Variants in PPFIA2 observed in about 807,000 individuals in gnomAD.
The protein encoded by PPFIA2 is liprin-alpha-2.
In PPFIA2, 46 loss-of-function variants were observed where a neutral mutation model predicts 175.5. The ratio of observed to expected loss-of-function variants is 0.26; its 90% CI spans 0.21 to 0.34. The LOEUF is 0.34. Among genes scored for constraint, PPFIA2 ranks in the 10% least tolerant of loss-of-function variants. PPFIA2 has a pLI of 1.00. For missense variants in PPFIA2, 1,179 were observed against 1,506.1 expected (o/e 0.78, Z 3.60); for synonymous variants, 568 against 511.4 (o/e 1.11, Z -1.49).
intron 4 of PPFIA2, among the ~76,000 whole-genome samples, chr12:81,633,518 A>ATCATGGC (rs1313665453): frequency 6.6e-6 from 1 of 151,814 alleles, no homozygotes; most frequent in Admixed American, 6.6e-5. Flanking sequence ...CTGCACTATA[A>ATCATGGC]TCATGGCTAG....
At chr12:81,620,478 C>A (rs1369757354) in intron 4 of PPFIA2, among the ~76,000 whole-genome samples, 1 of 151,892 alleles carries the variant, frequency 6.6e-6, no homozygotes, top group Non-Finnish European at 1.5e-5. Flanking sequence ...AAACCCAGAA[C>A]CATAAAGATA....
At chr12:81,486,974 A>T (rs934842218) in intron 4 of PPFIA2, among the ~76,000 whole-genome samples, 1 of 151,880 alleles carries the variant, frequency 6.6e-6, no homozygotes, top group Admixed American at 6.6e-5. Context: ...TTGGTACCAG[A>T]TTTCTTTTAA....
intron 4 of PPFIA2, among the ~76,000 whole-genome samples, chr12:81,493,372 G>A (rs1448762979): frequency 6.6e-6 from 1 of 152,028 alleles, no homozygotes; most frequent in Non-Finnish European, 1.5e-5. Flanking sequence ...CAGATGCTGG[G>A]AAGACAAGAA....
chr12:81,562,874 A>AAAAAG (rs1567344308), intron 4 of PPFIA2, among the ~76,000 whole-genome samples: 14 of 149,448 alleles, frequency 9.4e-5, no homozygotes, highest in African/African-American at 3.2e-4. Context: ...AAAAAAAAAA[A>AAAAAG]AGAGAGAGTA....
At chr12:81,391,940 T>C (rs1197253614) in intron 8 of PPFIA2, among the ~76,000 whole-genome samples, 2 of 151,812 alleles carry the variant, frequency 1.3e-5, no homozygotes, top group Non-Finnish European at 2.9e-5. Context: ...TAGATGGAAA[T>C]ATGATGTGTG....
chr12:81,573,258 G>A (rs2072899772), intron 4 of PPFIA2, among the ~76,000 whole-genome samples: 1 of 151,896 alleles, frequency 6.6e-6, no homozygotes, highest in Non-Finnish European at 1.5e-5. Flanking sequence ...ACACAAAACA[G>A]TAGCATATCT....
chr12:81,569,316 T>C (rs12304839), intron 4 of PPFIA2, among the ~76,000 whole-genome samples: 41,322 of 152,028 alleles, frequency 0.27, 6,032 homozygotes, highest in African/African-American at 0.37. Flanking sequence ...AAATGAGAGA[T>C]AAAATTGCTA....
chr12:81,661,399 C>G (rs2068841083), intron 4 of PPFIA2, among the ~76,000 whole-genome samples: 1 of 152,114 alleles, frequency 6.6e-6, no homozygotes, highest in Non-Finnish European at 1.5e-5. Context: ...GTTTGCAATC[C>G]TAGTCTCTGG....
chr12:81,556,923 T>C (rs2068978477), intron 4 of PPFIA2, among the ~76,000 whole-genome samples: 1 of 151,976 alleles, frequency 6.6e-6, no homozygotes, highest in Admixed American at 6.6e-5. Context: ...AATTAATTTT[T>C]ATTTCAATAA....
At chr12:81,385,594 A>C (rs754583626) in intron 8 of PPFIA2, among the ~76,000 whole-genome samples, 8 of 152,138 alleles carry the variant, frequency 5.3e-5, no homozygotes, top group Non-Finnish European at 1.0e-4. Context: ...TTCTAAGTGA[A>C]ATAAGCCAGG....
intron 4 of PPFIA2, among the ~76,000 whole-genome samples, chr12:81,593,517 T>C (rs1595397613): frequency 6.6e-6 from 1 of 152,226 alleles, no homozygotes; most frequent in Non-Finnish European, 1.5e-5. Flanking sequence ...TTTTCCACCT[T>C]ACACACATAA....
At chr12:81,462,585 C>CAA in intron 4 of PPFIA2, among the ~76,000 whole-genome samples, 1 of 124,672 alleles carries the variant, frequency 8.0e-6, no homozygotes, top group South Asian at 2.6e-4. Flanking sequence ...TATATATATA[C>CAA]ATATATATAT....
intron 24 of PPFIA2, among the ~76,000 whole-genome samples, chr12:81,293,078 T>C (rs1005591356): frequency 2.0e-5 from 3 of 152,052 alleles, no homozygotes; most frequent in Non-Finnish European, 4.4e-5. Flanking sequence ...ACTTGTTACT[T>C]TTCTGCCTGA....
chr12:81,587,032 G>A (rs2075391275), intron 4 of PPFIA2, among the ~76,000 whole-genome samples: 1 of 151,774 alleles, frequency 6.6e-6, no homozygotes, highest in Non-Finnish European at 1.5e-5. Flanking sequence ...ATTTTCCAAT[G>A]GTTTAGGAAA....
intron 4 of PPFIA2, among the ~76,000 whole-genome samples, chr12:81,598,722 G>T (rs1402087259): frequency 6.6e-6 from 1 of 151,426 alleles, no homozygotes. Context: ...ATATTGAGAG[G>T]CAATTGCATA....
intron 22 of PPFIA2, chr12:81,312,094 G>T: frequency 1.3e-6 from 2 of 1,491,868 alleles, no homozygotes; most frequent in South Asian, 1.2e-5. Context: ...GTAATACTCT[G>T]AAAAAAGAAA....
chr12:81,441,658 A>T (rs909395863), intron 6 of PPFIA2, among the ~76,000 whole-genome samples: 4 of 152,158 alleles, frequency 2.6e-5, no homozygotes, highest in Admixed American at 2.6e-4. Flanking sequence ...AAAAAGAAGC[A>T]AATATCCCGA....
At chr12:81,719,236 T>C (rs2079027816) in intron 3 of PPFIA2, among the ~76,000 whole-genome samples, 1 of 151,616 alleles carries the variant, frequency 6.6e-6, no homozygotes, top group South Asian at 2.1e-4. Context: ...CTGTTGTTGG[T>C]GTTGTTCAAT....
intron 30 of PPFIA2, among the ~76,000 whole-genome samples, chr12:81,264,879 C>T (rs1420435787): frequency 2.6e-5 from 4 of 152,166 alleles, no homozygotes; most frequent in Non-Finnish European, 4.4e-5. Context: ...GCCTCTACGA[C>T]TTCTTGATTC....
Sources: gnomAD v4.1 joint callset for allele counts (sites outside exome capture counted in the v4.1 genomes callset) on GRCh38, gnomAD v4.1.1 for gene constraint, MANE v1.5 for transcripts, NCBI Gene and HGNC (gene_info 2026-07-23, HGNC 2026-07-21) for gene names.